The following DOCK5 variants were observed in gnomAD, a reference collection of about 807,000 sequenced individuals.
DOCK5 encodes dedicator of cytokinesis 5, also known as dedicator of cytokinesis protein 5.
A neutral mutation model predicts 251.8 loss-of-function variants in DOCK5; 142 were observed. The ratio of observed to expected loss-of-function variants is 0.56; its 90% CI spans 0.49 to 0.65. The LOEUF is 0.65. Among genes scored for constraint, DOCK5 ranks in the 30% least tolerant of loss-of-function variants. The probability of loss-of-function intolerance (pLI) is 0.00; values close to 1 mark genes in which losing one functional copy is unlikely to be tolerated. For synonymous variants in DOCK5, 842 were observed against 835.5 expected, an observed-to-expected ratio of 1.01 and a Z score of -0.13; for missense variants, 2,111 against 2,312.3, an observed-to-expected ratio of 0.91 and a Z score of 1.79.
chr8:25,390,110 T>C, intron 41 of DOCK5, 96 bp from the exon 42 acceptor site: 1 of 1,001,774 alleles, frequency 1.0e-6, no homozygotes, highest in East Asian at 2.7e-5. Context: ...TTGGTGCTGG[T>C]GGCATTTCCG....
Position 25,224,213 on chromosome 8 carries a change from A to C in DOCK5, c.44-19461A>C, listed in dbSNP as rs577015857. On this transcript the variant is annotated intron_variant, in intron 1 of 51. Coordinates refer to ENST00000276440, the MANE Select transcript of DOCK5 (RefSeq NM_024940.8). The stretch of plus-strand genomic sequence containing the variant: ...GGCTCACTGCAACCTCCGCCTCCCG[A>C]GTTCAAGTGATTTTCCCGCCTCAAC... 1.7e-3 allele frequency among the ~76,000 whole-genome samples: 257 copies of C among 152,078 alleles called. 1 individual carries two copies. Among genetic ancestry groups the C allele is most frequent in the African/African-American group, 5.9e-3 (244 of 41,486 alleles).
rs545634951 is a variant in DOCK5 at position 25,393,554 on chromosome 8, CCATACTGTT to C, written c.4527+676_4527+684del. ...CCATCTCCTAGGCAATCTGTTGGAA[CCATACTGTT>C]CATCCCATGCTAATTTCAGTCCTCT... On this transcript the variant is annotated intron_variant, in intron 44 of 51. Transcript: ENST00000276440. 1.0e-3 allele frequency among the ~76,000 whole-genome samples: 152 copies of C among 152,332 alleles called. 2 individuals carry two copies. The South Asian group carries it at 0.031, about 31-fold the overall frequency.
At chr8:25,323,604 C>G (rs1019099631) in intron 16 of DOCK5, among the ~76,000 whole-genome samples, 1 of 152,100 alleles carries the variant, frequency 6.6e-6, no homozygotes, top group African/African-American at 2.4e-5. Context: ...ACCCACATTT[C>G]TGATTTGGAT....
chr8:25,331,817 G>T (rs867195399), intron 18 of DOCK5, among the ~76,000 whole-genome samples: 27,955 of 141,284 alleles, frequency 0.2, 3,200 homozygotes, highest in Non-Finnish European at 0.26. Flanking sequence ...GAGAGAGAGA[G>T]AGAGAGAGAG....
intron 1 of DOCK5, among the ~76,000 whole-genome samples, chr8:25,221,449 C>T (rs1244789575): frequency 6.6e-6 from 1 of 152,166 alleles, no homozygotes; most frequent in Non-Finnish European, 1.5e-5. Flanking sequence ...GCCGGGATTA[C>T]AGGCGCCCGC....
intron 1 of DOCK5, among the ~76,000 whole-genome samples, chr8:25,192,422 A>G (rs1390747993): frequency 6.6e-6 from 1 of 152,228 alleles, no homozygotes; most frequent in Admixed American, 6.5e-5. Context: ...CCACTTGTTC[A>G]TCGTCACCTT....
chr8:25,384,787 G>A (rs1047567804), intron 40 of DOCK5, among the ~76,000 whole-genome samples: 10 of 151,998 alleles, frequency 6.6e-5, no homozygotes, highest in Admixed American at 1.3e-4. Context: ...AAGAATCAGG[G>A]CCTGGCACAG....
At chr8:25,404,274 A>C (rs2248543) in intron 48 of DOCK5, among the ~76,000 whole-genome samples, 146,425 of 152,210 alleles carry the variant, frequency 0.96, 70,638 homozygotes, top group East Asian at 1. Flanking sequence ...TTTTCATTTA[A>C]TATTATATCT....
intron 28 of DOCK5, among the ~76,000 whole-genome samples, chr8:25,360,676 C>T (rs894184927): frequency 8.5e-5 from 13 of 152,146 alleles, no homozygotes; most frequent in African/African-American, 2.9e-4. Context: ...AAATGCCCAG[C>T]TTCGTGCAGG....
intron 1 of DOCK5, among the ~76,000 whole-genome samples, chr8:25,201,830 C>G (rs565089683): frequency 1.3e-5 from 2 of 152,282 alleles, no homozygotes; most frequent in East Asian, 3.9e-4. Flanking sequence ...TGACAGTACC[C>G]TAGCCTGGCA....
chr8:25,313,857 G>A (rs1805163427), intron 13 of DOCK5, among the ~76,000 whole-genome samples: 2 of 152,094 alleles, frequency 1.3e-5, no homozygotes, highest in South Asian at 4.1e-4. Flanking sequence ...TCTTTTAAAG[G>A]CCCTATCTCC....
intron 26 of DOCK5, among the ~76,000 whole-genome samples, chr8:25,348,933 C>G (rs1800419231): frequency 6.6e-6 from 1 of 152,174 alleles, no homozygotes; most frequent in Admixed American, 6.5e-5. Context: ...CATACCCTCC[C>G]CACAAGGCAC....
chr8:25,221,064 C>G (rs1348452096), intron 1 of DOCK5, among the ~76,000 whole-genome samples: 2 of 152,274 alleles, frequency 1.3e-5, no homozygotes, highest in African/African-American at 4.8e-5. Flanking sequence ...CAGTCTGTCC[C>G]TAACTGGGAC....
chr8:25,217,045 CATGTATAGATGTATACAATATGTATAT>C (rs1802263452), intron 1 of DOCK5, among the ~76,000 whole-genome samples: 1 of 143,134 alleles, frequency 7.0e-6, no homozygotes, highest in African/African-American at 2.6e-5. Flanking sequence ...TATGTGTATA[CATGTATAGATGTATACAATATGTATAT>C]ATGTATATAT....
rs1196421134 is a variant in DOCK5 at position 25,372,609 on chromosome 8, T to G, written c.3575T>G (p.Val1192Gly). 1 of 1,602,742 alleles carries G rather than the reference T, an allele frequency of 6.2e-7. No homozygotes were observed. The highest frequency in any genetic ancestry group is 8.5e-7 in the Non-Finnish European group (1 of 1,175,592). The change falls in exon 35 of 52, where the codon GTC (valine) becomes GGC (glycine). Residue 1192 changes from valine to glycine, a missense_variant. Val to Gly is a moderately radical substitution (Grantham distance 109). Around this residue, in one of 3 missense-constraint regions of DOCK5, gnomAD observed 1,717 missense variants for 1,892.4 expected, o/e 0.91. Coordinates refer to ENST00000276440, the MANE Select transcript of DOCK5 (RefSeq NM_024940.8). ...KHKYLSSSGE[V>G]FALLVSSLLE... ...AAATACCTCTCCAGCTCTGGGGAGGTCTTCGCCCTCCTGGTCAGCAGCCTC... is the reference window on the plus strand; with the variant it reads ...AAATACCTCTCCAGCTCTGGGGAGGGCTTCGCCCTCCTGGTCAGCAGCCTC...
intron 1 of DOCK5, among the ~76,000 whole-genome samples, chr8:25,206,431 A>G (rs1286623299): frequency 6.6e-6 from 1 of 152,308 alleles, no homozygotes; most frequent in East Asian, 1.9e-4. Context: ...CACAGTGGCC[A>G]ATTTCAGACC....
intron 5 of DOCK5, among the ~76,000 whole-genome samples, chr8:25,279,488 A>G (rs796537306): frequency 2.5e-4 from 37 of 149,838 alleles, no homozygotes; most frequent in African/African-American, 8.6e-4. Context: ...TTTTTTTGAG[A>G]CGGAGTCTCA....
Position 25,364,618 on chromosome 8 carries a change from T to C in DOCK5, c.3045-8T>C. 1 of 1,590,986 alleles carries C rather than the reference T, an allele frequency of 6.3e-7. No individual in the cohort carries two copies. The highest frequency in any genetic ancestry group is 8.6e-7 in the Non-Finnish European group (1 of 1,165,788). On this transcript the variant is annotated splice_region_variant and splice_polypyrimidine_tract_variant and intron_variant, in intron 29 of 51. Transcript: ENST00000276440. ...TTGGCTTCTTTATCTGGTGTTTTCC[T>C]TCCGCAGGGTTTTTCTCCGTGCTAT...
chr8:25,202,304 C>T (rs773583518), intron 1 of DOCK5, among the ~76,000 whole-genome samples: 5 of 152,176 alleles, frequency 3.3e-5, no homozygotes, highest in Non-Finnish European at 5.9e-5. Flanking sequence ...AGGTGTGAGC[C>T]ACCGCACCCA....
Sources: allele counts gnomAD v4.1 joint callset (sites outside exome capture counted in the v4.1 genomes callset), GRCh38; gene constraint gnomAD v4.1.1; regional missense constraint gnomAD v4.1.1; transcripts MANE v1.5; gene names NCBI Gene and HGNC (gene_info 2026-07-23, HGNC 2026-07-21).